RCAN1: variants seen among roughly 807,000 people sequenced by gnomAD.
RCAN1 encodes the protein regulator of calcineurin 1, also known as calcipressin-1.
A neutral mutation model predicts 22.9 loss-of-function variants in RCAN1; 11 were observed. That is an observed-to-expected ratio of 0.48 (90% confidence interval 0.30 to 0.79). The LOEUF is 0.79. RCAN1 is among the 30% of genes least tolerant of loss of function. The pLI, the probability that RCAN1 is intolerant of heterozygous loss-of-function variation, is 0.06. For synonymous variants in RCAN1, 136 were observed against 142.3 expected, an observed-to-expected ratio of 0.96 and a Z score of 0.32; for missense variants, 291 against 337.8, an observed-to-expected ratio of 0.86 and a Z score of 1.09.
chr21:34,612,939 T>C (rs1446904023), intron 1 of RCAN1, among the ~76,000 whole-genome samples: 3 of 152,220 alleles, frequency 2.0e-5, no homozygotes, highest in Non-Finnish European at 4.4e-5. Flanking sequence ...CCTGTTTCAG[T>C]CTCTTCATCG....
At chr21:34,526,700 A>G (rs1406752452) in intron 1 of RCAN1, 1 of 1,613,638 alleles carries the variant, frequency 6.2e-7, no homozygotes, top group Non-Finnish European at 8.5e-7. Context: ...ACTGTTTGCC[A>G]CACAGGCAAT....
chr21:34,528,646 T>G (rs1367069844), intron 1 of RCAN1, among the ~76,000 whole-genome samples: 9 of 152,170 alleles, frequency 5.9e-5, no homozygotes, highest in African/African-American at 2.2e-4. Context: ...GCAGACACAG[T>G]CCTGCATTCC....
At chr21:34,550,461 C>T (rs1022123204) in intron 1 of RCAN1, among the ~76,000 whole-genome samples, 5 of 152,126 alleles carry the variant, frequency 3.3e-5, no homozygotes, top group African/African-American at 1.2e-4. Flanking sequence ...GAGCCCAATC[C>T]AATCTGCTGG....
intron 1 of RCAN1, among the ~76,000 whole-genome samples, chr21:34,564,690 T>C (rs1366369099): frequency 6.6e-6 from 1 of 152,170 alleles, no homozygotes; most frequent in Non-Finnish European, 1.5e-5. Flanking sequence ...TCATTAATTA[T>C]TTTTCTATGA....
intron 1 of RCAN1, among the ~76,000 whole-genome samples, chr21:34,552,542 C>G (rs1423758431): frequency 6.6e-6 from 1 of 152,070 alleles, no homozygotes; most frequent in African/African-American, 2.4e-5. Flanking sequence ...GAGATTTTTT[C>G]CAGAGAAAAT....
chr21:34,527,958 G>A (rs973610170), intron 1 of RCAN1, among the ~76,000 whole-genome samples: 15 of 152,076 alleles, frequency 9.9e-5, no homozygotes, highest in African/African-American at 2.7e-4. Context: ...AGTGCTCTGC[G>A]ATGCAAGACT....
At chr21:34,609,632 TG>T (rs1333848304) in intron 1 of RCAN1, among the ~76,000 whole-genome samples, 1 of 152,244 alleles carries the variant, frequency 6.6e-6, no homozygotes, top group African/African-American at 2.4e-5. Context: ...GCCTATTTTT[TG>T]TTCCTTTATG....
intron 1 of RCAN1, among the ~76,000 whole-genome samples, chr21:34,597,322 T>C (rs925067398): frequency 1.3e-5 from 2 of 152,242 alleles, no homozygotes; most frequent in Non-Finnish European, 2.9e-5. Flanking sequence ...TCCTCAGTCA[T>C]GTCCACCACA....
chr21:34,549,309 C>T (rs1986271844), intron 1 of RCAN1, among the ~76,000 whole-genome samples: 1 of 152,198 alleles, frequency 6.6e-6, no homozygotes, highest in South Asian at 2.1e-4. Context: ...GTAAAATCTG[C>T]CATGCAGGCA....
chr21:34,525,428 ACT>A, intron 1 of RCAN1: 1 of 1,405,790 alleles, frequency 7.1e-7, no homozygotes, highest in Non-Finnish European at 9.3e-7. Flanking sequence ...GCCGCCTCTC[ACT>A]CTTTTTCCCC....
chr21:34,525,016 G>A, intron 1 of RCAN1: 1 of 1,534,450 alleles, frequency 6.5e-7, no homozygotes, highest in Non-Finnish European at 8.8e-7. Context: ...AAAGGCAGAA[G>A]GGGCTGGCCA....
At chr21:34,595,786 C>A (rs985385366) in intron 1 of RCAN1, among the ~76,000 whole-genome samples, 2 of 152,208 alleles carry the variant, frequency 1.3e-5, no homozygotes, top group Non-Finnish European at 2.9e-5. Context: ...CTGATGGGGG[C>A]CACTGGGCAG....
chr21:34,556,190 G>A (rs1381841974), intron 1 of RCAN1, among the ~76,000 whole-genome samples: 1 of 150,430 alleles, frequency 6.6e-6, no homozygotes, highest in Non-Finnish European at 1.5e-5. Flanking sequence ...TTGGGAGGCT[G>A]AGGCGGGAGG....
At chr21:34,566,869 A>C (rs1293707105) in intron 1 of RCAN1, among the ~76,000 whole-genome samples, 1 of 152,094 alleles carries the variant, frequency 6.6e-6, no homozygotes, top group Non-Finnish European at 1.5e-5. Context: ...CCTTTAACCA[A>C]CCAGCTCTTC....
chr21:34,550,467 G>T (rs907362164), intron 1 of RCAN1, among the ~76,000 whole-genome samples: 2 of 152,194 alleles, frequency 1.3e-5, no homozygotes, highest in South Asian at 2.1e-4. Context: ...AATCCAATCT[G>T]CTGGGTGTCA....
intron 1 of RCAN1, among the ~76,000 whole-genome samples, chr21:34,594,024 T>C (rs973297655): frequency 6.6e-6 from 1 of 152,216 alleles, no homozygotes; most frequent in African/African-American, 2.4e-5. Context: ...TCAGAGTTGT[T>C]GCAAAACAGA....
At chr21:34,547,341 A>T (rs975554177) in intron 1 of RCAN1, among the ~76,000 whole-genome samples, 4 of 151,846 alleles carry the variant, frequency 2.6e-5, no homozygotes, top group Non-Finnish European at 5.9e-5. Context: ...CCCCTCCCTC[A>T]CCTGCTCACT....
chr21:34,595,971 A>C (rs1251912375), intron 1 of RCAN1, among the ~76,000 whole-genome samples: 3 of 152,250 alleles, frequency 2.0e-5, no homozygotes, highest in Non-Finnish European at 4.4e-5. Context: ...ATTCTGGCCG[A>C]GGAGCAGAGG....
chr21:34,558,991 T>G (rs894283962), intron 1 of RCAN1, among the ~76,000 whole-genome samples: 2 of 152,226 alleles, frequency 1.3e-5, no homozygotes, highest in Admixed American at 1.3e-4. Flanking sequence ...TTAATATCTA[T>G]GCTAATGGAA....
Sources: gnomAD v4.1 joint callset for allele counts (sites outside exome capture counted in the v4.1 genomes callset) on GRCh38, gnomAD v4.1.1 for gene constraint, MANE v1.5 for transcripts, NCBI Gene and HGNC (gene_info 2026-07-23, HGNC 2026-07-21) for gene names.